JAK1: variants seen among roughly 807,000 people sequenced by gnomAD.
JAK1 encodes Janus kinase 1.
JAK1 carries 16 observed loss-of-function variants against 136.6 expected under a neutral mutation model. That is an observed-to-expected ratio of 0.12 (90% CI 0.08 to 0.18). The LOEUF (loss-of-function observed/expected upper bound fraction) is 0.18. Among genes scored for constraint, JAK1 ranks in the 10% least tolerant of loss-of-function variants. The pLI, the probability that JAK1 is intolerant of heterozygous loss-of-function variation, is 1.00. For missense variants in JAK1, 859 were observed against 1,450.1 expected (o/e 0.59, Z 6.62); for synonymous variants, 492 against 519.5 (o/e 0.95, Z 0.72).
chr1:64,864,977 T>A lies in JAK1; in HGVS notation c.991-5A>T. The A allele has an allele frequency of 3.7e-6, 6 of 1,606,786 alleles. No homozygotes were observed. The highest frequency in any genetic ancestry group is 5.1e-6 in the Non-Finnish European group (6 of 1,175,178). ...TTCCTTTTCAACAGAAACAACCTGA[T>A]AAGATACATAAAAGGGACAGGGTTA... On this transcript the variant is annotated splice_region_variant and splice_polypyrimidine_tract_variant and intron_variant, in intron 7 of 24. Coordinates refer to ENST00000342505, the MANE Select transcript of JAK1 (RefSeq NM_002227.4).
intron 4 of JAK1, among the ~76,000 whole-genome samples, chr1:64,878,559 G>GTTTA (rs1644712868): frequency 1.3e-5 from 1 of 79,262 alleles, no homozygotes; most frequent in Non-Finnish European, 2.5e-5. Flanking sequence ...TATATATAGT[G>GTTTA]TGTATATATA....
chr1:64,863,447 T>C (rs905618483), intron 8 of JAK1, among the ~76,000 whole-genome samples: 2 of 152,200 alleles, frequency 1.3e-5, no homozygotes, highest in Non-Finnish European at 2.9e-5. Flanking sequence ...TTTCGCATCT[T>C]TCCATTAACA....
chr1:65,067,514 G>C (rs1279903371), intron 1 of JAK1: 1 of 145,420 alleles, frequency 6.9e-6, no homozygotes, highest in Non-Finnish European at 1.5e-5. Context: ...AGCCTCGCGC[G>C]GCCGCACGCC....
chr1:64,941,194 G>C (rs1352031495), intron 1 of JAK1, among the ~76,000 whole-genome samples: 2 of 152,054 alleles, frequency 1.3e-5, no homozygotes, highest in Admixed American at 1.3e-4. Flanking sequence ...TAAAGTAGTT[G>C]AAGTTTTGTG....
intron 2 of JAK1, among the ~76,000 whole-genome samples, chr1:65,013,332 G>A (rs1056522215): frequency 4.2e-5 from 6 of 143,254 alleles, no homozygotes; most frequent in African/African-American, 1.6e-4. Flanking sequence ...GGAGGCGGAG[G>A]TTGCGGTGAG....
chr1:64,947,684 G>A (rs1646012286), intron 1 of JAK1, among the ~76,000 whole-genome samples: 1 of 150,756 alleles, frequency 6.6e-6, no homozygotes, highest in South Asian at 2.1e-4. Flanking sequence ...CAGTTTCACT[G>A]AACAACAGGT....
intron 11 of JAK1, 101 bp downstream of exon 11, chr1:64,855,408 G>A: frequency 3.8e-6 from 4 of 1,054,214 alleles, no homozygotes; most frequent in Non-Finnish European, 5.5e-6. Context: ...AAACTGTGGG[G>A]AGGGTCCACT....
intron 12 of JAK1, among the ~76,000 whole-genome samples, chr1:64,850,527 AC>A (rs1000091358): frequency 6.6e-6 from 1 of 152,096 alleles, no homozygotes; most frequent in Non-Finnish European, 1.5e-5. Context: ...CTGCCCTGCC[AC>A]CCCTTCAGCT....
At position 64,886,401 on chromosome 1, in the gene JAK1, G is replaced by A. The variant is rs576667142; in HGVS notation, c.-77-60C>T. The stretch of plus-strand genomic sequence containing the variant: ...GAGGTAATTGCATCTGAAAATAAGA[G>A]GGCATTTTCATTAAGGAAGCAGCCC... On this transcript the variant is annotated intron_variant, in intron 1 of 24. Transcript: ENST00000342505. 3.8e-4 allele frequency: 366 copies of A among 965,090 alleles called. 1 individual carries two copies. The highest frequency in any genetic ancestry group is 1.6e-3 in the South Asian group (79 of 48,888). The allele number at this position is 965,090 out of a possible 1,614,324, so 59.8% of individuals were successfully genotyped here.
At chr1:64,932,380 T>C (rs920336528) in intron 1 of JAK1, among the ~76,000 whole-genome samples, 1 of 152,168 alleles carries the variant, frequency 6.6e-6, no homozygotes, top group African/African-American at 2.4e-5. Flanking sequence ...GCCACTGTAC[T>C]ACAGCCTGGC....
At chr1:64,886,892 T>C (rs1269629089) in intron 1 of JAK1, among the ~76,000 whole-genome samples, 1 of 152,150 alleles carries the variant, frequency 6.6e-6, no homozygotes, top group Non-Finnish European at 1.5e-5. Context: ...CCAACCTTGG[T>C]GATTCAAAAT....
intron 20 of JAK1, among the ~76,000 whole-genome samples, chr1:64,839,191 C>A (rs1336292171): frequency 1.3e-5 from 2 of 150,174 alleles, no homozygotes; most frequent in East Asian, 3.9e-4. Flanking sequence ...CTGTCAATTT[C>A]ACTACCATGA....
intron 6 of JAK1, among the ~76,000 whole-genome samples, 165 bp downstream of exon 6, chr1:64,869,146 T>C (rs1445328524): frequency 1.3e-5 from 2 of 152,162 alleles, no homozygotes; most frequent in African/African-American, 4.8e-5. Context: ...CAAGACACAA[T>C]TATAATTAGG....
chr1:64,985,928 CT>C (rs1646594432), intron 2 of JAK1: 1 of 861,268 alleles, frequency 1.2e-6, no homozygotes, highest in South Asian at 1.4e-5. Flanking sequence ...AGCACAACAT[CT>C]CAGAGGGAGG....
At chr1:64,974,239 G>A (rs2100679141) in intron 2 of JAK1, 2 of 152,274 alleles carry the variant, frequency 1.3e-5, no homozygotes, top group East Asian at 3.9e-4. Context: ...AGAACATCAA[G>A]TTTATCTTCC....
At chr1:64,949,409 T>C (rs555444526) in intron 1 of JAK1, among the ~76,000 whole-genome samples, 3 of 152,360 alleles carry the variant, frequency 2.0e-5, no homozygotes, top group South Asian at 4.1e-4. Flanking sequence ...GGGTATTTCA[T>C]CAGCCTAGAA....
chr1:64,913,120 T>C (rs1158499073), intron 1 of JAK1, among the ~76,000 whole-genome samples: 1 of 152,164 alleles, frequency 6.6e-6, no homozygotes, highest in Non-Finnish European at 1.5e-5. Flanking sequence ...CCAGGCTCAA[T>C]GCTGAATCCT....
chr1:64,981,635 T>C (rs1409978421), intron 2 of JAK1, among the ~76,000 whole-genome samples: 1 of 152,252 alleles, frequency 6.6e-6, no homozygotes, highest in African/African-American at 2.4e-5. Flanking sequence ...TTGAGATGGC[T>C]GGAGATGTCC....
intron 8 of JAK1, 27 bp from the exon 9 acceptor site, chr1:64,860,289 G>T: frequency 3.2e-6 from 5 of 1,576,442 alleles, no homozygotes; most frequent in Middle Eastern, 1.7e-4. Context: ...AATTCCCACG[G>T]TTACATCATG....
Sources: allele counts gnomAD v4.1 joint callset (sites outside exome capture counted in the v4.1 genomes callset), GRCh38; gene constraint gnomAD v4.1.1; transcripts MANE v1.5; gene names NCBI Gene and HGNC (gene_info 2026-07-23, HGNC 2026-07-21).